Variants in CSMD3 observed in about 807,000 individuals in gnomAD.
The protein encoded by CSMD3 is CUB and Sushi multiple domains 3.
A neutral mutation model predicts 435.2 loss-of-function variants in CSMD3; 177 were observed. The observed-to-expected ratio is 0.41, with a 90% CI of 0.36 to 0.46. CSMD3 has a LOEUF of 0.46. Among genes scored for constraint, CSMD3 ranks in the 20% least tolerant of loss-of-function variants. The pLI is 0.34. For synonymous variants in CSMD3, 1,656 were observed against 1,520.5 expected, an observed-to-expected ratio of 1.09 and a Z score of -2.07; for missense variants, 4,265 against 4,504.6, an observed-to-expected ratio of 0.95 and a Z score of 1.52.
intron 4 of CSMD3, among the ~76,000 whole-genome samples, chr8:113,103,037 G>T (rs866359516): frequency 6.6e-6 from 1 of 152,030 alleles, no homozygotes; most frequent in Non-Finnish European, 1.5e-5. Flanking sequence ...AAAACATCTC[G>T]TTTTGACTAT....
intron 1 of CSMD3, among the ~76,000 whole-genome samples, chr8:113,323,477 G>C (rs1207526474): frequency 6.6e-6 from 1 of 152,142 alleles, no homozygotes; most frequent in Non-Finnish European, 1.5e-5. Context: ...ACCTGATCCT[G>C]TTAGAATCAA....
At chr8:113,082,280 C>T (rs2089597201) in intron 5 of CSMD3, among the ~76,000 whole-genome samples, 1 of 152,196 alleles carries the variant, frequency 6.6e-6, no homozygotes, top group African/African-American at 2.4e-5. Flanking sequence ...TGCATACCCC[C>T]GATCAGCTTG....
chr8:113,116,751 G>T (rs891562759), intron 4 of CSMD3, among the ~76,000 whole-genome samples: 1 of 152,130 alleles, frequency 6.6e-6, no homozygotes, highest in African/African-American at 2.4e-5. Context: ...GTTGTGAATG[G>T]CTTTGACAAA....
At chr8:112,722,024 C>A (rs910177713) in intron 13 of CSMD3, among the ~76,000 whole-genome samples, 1 of 151,462 alleles carries the variant, frequency 6.6e-6, no homozygotes, top group African/African-American at 2.4e-5. Flanking sequence ...AATTTGGGGA[C>A]GTAACTTCAC....
In CSMD3 at chr8:112,228,747, T is replaced by C. The variant is rs1425350692; in HGVS notation, c.10964+9A>G. ...GAAACATTTTGTAGTTAAAAATCAA[T>C]GAGCTTACCTTTGTTTATAAAGATA... On this transcript the variant is annotated intron_variant, in intron 70 of 70. Coordinates refer to ENST00000297405, the MANE Select transcript of CSMD3 (RefSeq NM_198123.2). The C allele has an allele frequency of 6.3e-7, 1 of 1,596,176 alleles. No individual in the cohort carries two copies. The highest frequency in any genetic ancestry group is 8.6e-7 in the Non-Finnish European group (1 of 1,164,744).
intron 4 of CSMD3, among the ~76,000 whole-genome samples, chr8:113,156,566 G>A (rs1186531309): frequency 6.6e-6 from 1 of 151,522 alleles, no homozygotes; most frequent in African/African-American, 2.4e-5. Context: ...ATTTCACAAT[G>A]TCTGCTCCTA....
chr8:112,489,345 A>G (rs905111500), intron 31 of CSMD3, among the ~76,000 whole-genome samples: 4 of 152,216 alleles, frequency 2.6e-5, no homozygotes, highest in African/African-American at 9.7e-5. Flanking sequence ...GAACTGCTTG[A>G]ACCTGGGAAG....
intron 6 of CSMD3, among the ~76,000 whole-genome samples, chr8:113,007,225 A>C (rs2086091507): frequency 6.6e-6 from 1 of 151,994 alleles, no homozygotes. Flanking sequence ...TTAATTATAA[A>C]GTTGAAACTG....
intron 28 of CSMD3, among the ~76,000 whole-genome samples, chr8:112,507,187 G>C (rs1435488011): frequency 6.6e-6 from 1 of 152,004 alleles, no homozygotes; most frequent in Non-Finnish European, 1.5e-5. Context: ...TCAGATCAAA[G>C]CAAAACAAAA....
intron 1 of CSMD3, among the ~76,000 whole-genome samples, chr8:113,434,980 T>G (rs2094696750): frequency 6.6e-6 from 1 of 152,238 alleles, no homozygotes; most frequent in African/African-American, 2.4e-5. Flanking sequence ...CTTACATTTT[T>G]CTGCCAGGGC....
chr8:112,797,734 C>G (rs1283869710), intron 13 of CSMD3, among the ~76,000 whole-genome samples: 2 of 151,774 alleles, frequency 1.3e-5, no homozygotes, highest in African/African-American at 2.4e-5. Context: ...CTTGCTAAAA[C>G]TATGTGCACA....
At chr8:112,867,637 C>A (rs1017335392) in intron 10 of CSMD3, among the ~76,000 whole-genome samples, 1 of 152,032 alleles carries the variant, frequency 6.6e-6, no homozygotes, top group Non-Finnish European at 1.5e-5. Context: ...CAATAAAATG[C>A]AGACAATTAG....
chr8:113,194,516 C>G (rs966448209), intron 3 of CSMD3, among the ~76,000 whole-genome samples: 5 of 151,104 alleles, frequency 3.3e-5, no homozygotes, highest in African/African-American at 1.2e-4. Flanking sequence ...ATGTATGACA[C>G]CAAGAGTAAA....
At chr8:112,374,811 T>C (rs1000152090) in intron 38 of CSMD3, among the ~76,000 whole-genome samples, 2 of 152,312 alleles carry the variant, frequency 1.3e-5, no homozygotes, top group Admixed American at 1.3e-4. Flanking sequence ...AGTTAACACA[T>C]TTCACAGATT....
At chr8:113,177,320 A>T (rs1554798782) in intron 3 of CSMD3, among the ~76,000 whole-genome samples, 1 of 151,924 alleles carries the variant, frequency 6.6e-6, no homozygotes, top group Non-Finnish European at 1.5e-5. Flanking sequence ...ATAATGAAGA[A>T]TTTTTTTGTA....
intron 38 of CSMD3, among the ~76,000 whole-genome samples, chr8:112,362,427 C>T (rs936686461): frequency 6.6e-6 from 1 of 151,910 alleles, no homozygotes; most frequent in Non-Finnish European, 1.5e-5. Context: ...TAGAATTACT[C>T]TGTATAAGTA....
intron 12 of CSMD3, among the ~76,000 whole-genome samples, chr8:112,813,710 G>C (rs1456009362): frequency 6.6e-6 from 1 of 152,148 alleles, no homozygotes; most frequent in Admixed American, 6.6e-5. Flanking sequence ...AGTAAGTCCT[G>C]ATGCAGGAAA....
intron 66 of CSMD3, among the ~76,000 whole-genome samples, chr8:112,237,955 C>G (rs1813747067): frequency 1.3e-5 from 2 of 151,980 alleles, no homozygotes; most frequent in South Asian, 4.2e-4. Flanking sequence ...GTTGGACTCT[C>G]AAGGATGAGA....
chr8:112,525,582 G>T lies in CSMD3; in HGVS notation c.4565-8357C>A, dbSNP rs187878654. ...AAAAATACAAAAAAATTAGCCAGGC[G>T]TGGTGGCGGGCACCTGTAGTCCCAG... On this transcript the variant is annotated intron_variant, in intron 27 of 70. Transcript: ENST00000297405. 3.9e-3 allele frequency among the ~76,000 whole-genome samples: 576 copies of T among 148,108 alleles called. 2 individuals are homozygous for T. Among genetic ancestry groups the T allele is most frequent in the African/African-American group, 0.012 (508 of 40,874 alleles).
Sources: gnomAD v4.1 joint callset for allele counts (sites outside exome capture counted in the v4.1 genomes callset) on GRCh38, gnomAD v4.1.1 for gene constraint, MANE v1.5 for transcripts, NCBI Gene and HGNC (gene_info 2026-07-23, HGNC 2026-07-21) for gene names.